The following ZNF862 variants were observed in gnomAD, a reference collection of about 807,000 sequenced individuals.
ZNF862 encodes the protein zinc finger protein 862.
A neutral mutation model predicts 91.1 loss-of-function variants in ZNF862; 64 were observed. That is an observed-to-expected ratio of 0.70 (90% CI 0.57 to 0.87). The LOEUF (loss-of-function observed/expected upper bound fraction) is 0.87. Ranked by LOEUF, ZNF862 falls within the 40% of genes least tolerant of loss-of-function variation. ZNF862 has a pLI of 0.00. For synonymous variants in ZNF862, 631 were observed against 618.1 expected (o/e 1.02, Z -0.31); for missense variants, 1,459 against 1,528.0 (o/e 0.95, Z 0.75).
Position 149,861,529 on chromosome 7 carries a change from T to C in ZNF862, c.2369T>C (p.Val790Ala), listed in dbSNP as rs1300926630. 1.2e-6 allele frequency: 2 copies of C among 1,606,510 alleles called. No individual in the cohort carries two copies. Among genetic ancestry groups the C allele is most frequent in the East Asian group, 4.5e-5 (2 of 44,646 alleles). Residue 790 changes from valine to alanine, a missense_variant, in exon 7 of 8, where the codon GTG (valine) becomes GCG (alanine). Val to Ala is a moderately conservative substitution (Grantham distance 64, BLOSUM62 0). Coordinates refer to ENST00000223210, the MANE Select transcript of ZNF862 (RefSeq NM_001099220.3). The surrounding 1 kb of genome is among the most constrained non-coding windows in gnomAD (Gnocchi z 6.7). Reference protein sequence around the residue: ...RLKDLNAVRWVASRRRTLHAL... With the variant: ...RLKDLNAVRWAASRRRTLHAL... ...AAGGATCTGAATGCGGTCCGCTGGG[T>C]GGCCAGCAGGAGGCGCACGCTGCAC...
intron 7 of ZNF862, 29 bp downstream of exon 7, chr7:149,862,523 G>A: frequency 6.5e-7 from 1 of 1,547,992 alleles, no homozygotes. Flanking sequence ...GCTCCCCCAA[G>A]GCAGCCTCAT....
chr7:149,861,597 A>G lies in ZNF862; in HGVS notation c.2437A>G (p.Arg813Gly). 1 of 1,599,334 alleles carries G rather than the reference A, an allele frequency of 6.3e-7. No individual in the cohort carries two copies. Among genetic ancestry groups the G allele is most frequent in the Non-Finnish European group, 8.5e-7 (1 of 1,175,102 alleles). ...GCCCGCCCTGGCCAGGCACCTCCAG[A>G]GGGTGGCAGAGGCTGGGGGCCAGAT... ...SWPALARHLQ[R>G]VAEAGGQIGH... The change falls in exon 7 of 8, where the codon AGG becomes GGG. Residue 813 changes from arginine to glycine, a missense_variant. By Grantham distance (125) the Arg-to-Gly change is moderately radical. Coordinates refer to ENST00000223210, the MANE Select transcript of ZNF862 (RefSeq NM_001099220.3). The surrounding 1 kb of genome is among the most constrained non-coding windows in gnomAD (Gnocchi z 6.7).
intron 5 of ZNF862, among the ~76,000 whole-genome samples, chr7:149,857,759 G>T (rs1420696746): frequency 6.6e-6 from 1 of 152,132 alleles, no homozygotes; most frequent in Non-Finnish European, 1.5e-5. Flanking sequence ...AGTGTCCATA[G>T]ATCTTTTGAG....
At position 149,861,884 on chromosome 7, in the gene ZNF862, C is replaced by T. The variant is rs1338404612; in HGVS notation, c.2724C>T (p.Asp908=). The T allele has an allele frequency of 1.2e-6, 2 of 1,613,714 alleles. No individual in the cohort carries two copies. The highest frequency in any genetic ancestry group is 1.7e-6 in the Non-Finnish European group (2 of 1,179,878). ...KDGRLHGICL[D]KLEVAEQRFQ... is the part of the protein sequence containing the mutation. Reference sequence around the variant, plus strand: ...GGCGGCTCCACGGCATCTGCTTGGACAAACTGGAGGTAGCGGAACAGCGGT... The same window carrying T: ...GGCGGCTCCACGGCATCTGCTTGGATAAACTGGAGGTAGCGGAACAGCGGT... Residue 908 remains aspartate (D), a synonymous_variant, in exon 7 of 8, where the codon GAC becomes GAT. Coordinates refer to ENST00000223210, the MANE Select transcript of ZNF862 (RefSeq NM_001099220.3). The surrounding 1 kb of genome is among the most constrained non-coding windows in gnomAD (Gnocchi z 6.7).
intron 1 of ZNF862, chr7:149,841,590 G>A (rs1319209364): frequency 2.0e-6 from 2 of 985,270 alleles, no homozygotes; most frequent in African/African-American, 1.7e-5. Flanking sequence ...ATCACTACAG[G>A]AGCCCTTTTG....
At chr7:149,856,258 T>C (rs1192509234) in intron 5 of ZNF862, 1 of 152,262 alleles carries the variant, frequency 6.6e-6, no homozygotes, top group Admixed American at 6.5e-5. Context: ...CCTGATTTAT[T>C]GATTTTAGAT....
Position 149,849,892 on chromosome 7 carries a change from C to T in ZNF862, c.940-269C>T, listed in dbSNP as rs1002306539. 3.9e-5 allele frequency among the ~76,000 whole-genome samples: 6 copies of T among 152,356 alleles called. No homozygotes were observed. The South Asian group carries it at 8.3e-4, about 21-fold the overall frequency. The stretch of plus-strand genomic sequence containing the variant: ...TCTGAGGACAGCATGCAGTGAGAGG[C>T]TCTGCCCAGCTGCCTGTTCTTTCCA... On this transcript the variant is annotated intron_variant, in intron 4 of 7. Transcript: ENST00000223210.
At position 149,862,025 on chromosome 7, in the gene ZNF862, G is replaced by C. The variant is rs1802527645; in HGVS notation, c.2865G>C (p.Trp955Cys). Residue 955 changes from tryptophan (W) to cysteine (C), a missense_variant, in exon 7 of 8, where the codon TGG becomes TGC. Transcript: ENST00000223210. ...TGGAGGTGTTTGACACCATGGCCTG[G>C]CCAAGTGGGATTGAACTTGCCAGTT... ...KNMEVFDTMA[W>C]PSGIELASFG... is the part of the protein sequence containing the mutation. The C allele has an allele frequency of 6.2e-7, 1 of 1,613,714 alleles. No individual in the cohort carries two copies.
chr7:149,863,082 G>A lies in ZNF862; in HGVS notation c.3334+588G>A, dbSNP rs550913654. ...TCAGGCAGAAATCTCACGGGGCAGG[G>A]GAGAACAGAAACAGCCTCTCTGGAC... On this transcript the variant is annotated intron_variant, in intron 7 of 7. Transcript: ENST00000223210. 3.3e-4 allele frequency among the ~76,000 whole-genome samples: 51 copies of A among 152,318 alleles called. No homozygotes were observed. The East Asian group carries it at 9.4e-3, about 28-fold the overall frequency.
chr7:149,862,558 G>T, intron 7 of ZNF862, 64 bp downstream of exon 7: 1 of 1,480,434 alleles, frequency 6.8e-7, no homozygotes, highest in South Asian at 1.4e-5. Flanking sequence ...CAATAAGACA[G>T]GACTGCAGGT....
rs1326019052 is a variant in ZNF862 at position 149,860,624 on chromosome 7, A to G, written c.1464A>G (p.Ser488=). ...CCAAAGAGACCAAACTCTTCTGCTC[A>G]GCCTGCATAGAAAGACCTAATCTCC... ...IDPKETKLFC[S]ACIERPNLHD... is the part of the protein sequence containing the mutation. Residue 488 remains serine, a synonymous_variant, in exon 7 of 8, where the codon TCA becomes TCG. Coordinates refer to ENST00000223210, the MANE Select transcript of ZNF862 (RefSeq NM_001099220.3). 6.2e-7 allele frequency: 1 copy of G among 1,614,044 alleles called. No homozygotes were observed. Among genetic ancestry groups the G allele is most frequent in the South Asian group, 1.1e-5 (1 of 91,082 alleles).
At position 149,861,036 on chromosome 7, in the gene ZNF862, G is replaced by C. The variant is rs201013448; in HGVS notation, c.1876G>C (p.Val626Leu). ...EDVRNSPCVSVLLDSSTDASE... is the reference protein window; with the variant it reads ...EDVRNSPCVSLLLDSSTDASE... ...CGTGCGGAACTCGCCCTGTGTGAGC[G>C]TGCTGCTGGACAGCTCCACCGACGC... Residue 626 changes from valine to leucine, a missense_variant, in exon 7 of 8, where the codon GTG becomes CTG. Physicochemically the swap from Val to Leu is conservative, Grantham distance 32. Coordinates refer to ENST00000223210, the MANE Select transcript of ZNF862 (RefSeq NM_001099220.3). This position sits in a 1 kb window ranked among gnomAD's most constrained non-coding sequence, Gnocchi z 6.7. 3.1e-6 allele frequency: 5 copies of C among 1,612,842 alleles called. No homozygotes were observed. Among genetic ancestry groups the C allele is most frequent in the Admixed American group, 1.7e-5 (1 of 59,954 alleles).
At chr7:149,860,081 T>G (rs1586067754) in intron 6 of ZNF862, 2 of 402,184 alleles carry the variant, frequency 5.0e-6, no homozygotes, top group Non-Finnish European at 8.9e-6. Context: ...GCCAAGGGGG[T>G]TAATTGAACT....
In ZNF862 at chr7:149,846,204, C is replaced by A; in HGVS notation, c.190C>A (p.Pro64Thr). The change falls in exon 3 of 8, where the codon CCA becomes ACA. Residue 64 changes from proline (P) to threonine (T), a missense_variant. By Grantham distance (38) the Pro-to-Thr change is conservative (BLOSUM62 -1). Coordinates refer to ENST00000223210, the MANE Select transcript of ZNF862 (RefSeq NM_001099220.3). ...CCGCAAGTTCGGACGAGGGCCAGAG[C>A]CATGGCTTGGCAGCGTCCAGGGCCA... is the stretch of plus-strand genomic sequence containing the variant. Reference protein sequence around the residue: ...LFRKFGRGPEPWLGSVQGQRS... With the variant: ...LFRKFGRGPETWLGSVQGQRS... 6.2e-7 allele frequency: 1 copy of A among 1,613,752 alleles called. No homozygotes were observed. Among genetic ancestry groups the A allele is most frequent in the Non-Finnish European group, 8.5e-7 (1 of 1,179,828 alleles).
In ZNF862 at chr7:149,862,306, T is replaced by C. The variant is rs1021360007; in HGVS notation, c.3146T>C (p.Ile1049Thr). Residue 1049 changes from isoleucine (I) to threonine (T), a missense_variant, in exon 7 of 8, where the codon ATC (isoleucine) becomes ACC (threonine). Transcript: ENST00000223210. ...CGGGGGTTCAAGGCCATGAACCGAA[T>C]CAGGACCGATGAGAGGACCAAGCTC... ...CERGFKAMNR[I>T]RTDERTKLSN... is the part of the protein sequence containing the mutation. 2.0e-5 allele frequency: 32 copies of C among 1,613,500 alleles called. No homozygotes were observed. Among genetic ancestry groups the C allele is most frequent in the Non-Finnish European group, 2.5e-5 (29 of 1,179,730 alleles).
chr7:149,848,268 C>T lies in ZNF862; in HGVS notation c.775C>T (p.Pro259Ser). 2 of 1,612,148 alleles carry T rather than the reference C, an allele frequency of 1.2e-6. No homozygotes were observed. The highest frequency in any genetic ancestry group is 2.2e-5 in the East Asian group (1 of 44,852). ...GGFDSMAELLPSSRAELEDPG... is the reference protein window; with the variant it reads ...GGFDSMAELLSSSRAELEDPG... Reference sequence around the variant, plus strand: ...ATTTGATAGCATGGCTGAGCTCCTGCCAAGTTCAAGAGCTGAACTAGAGGA... The same window carrying T: ...ATTTGATAGCATGGCTGAGCTCCTGTCAAGTTCAAGAGCTGAACTAGAGGA... The change falls in exon 4 of 8, where the codon CCA (proline) becomes TCA (serine). Residue 259 changes from proline to serine, a missense_variant. By Grantham distance (74) the Pro-to-Ser change is moderately conservative. Coordinates refer to ENST00000223210, the MANE Select transcript of ZNF862 (RefSeq NM_001099220.3).
intron 1 of ZNF862, among the ~76,000 whole-genome samples, chr7:149,842,251 A>G (rs116893348): frequency 2.3e-3 from 343 of 152,336 alleles, no homozygotes; most frequent in Non-Finnish European, 3.2e-3. Context: ...GGTGATTAAA[A>G]TGATATGAAT....
intron 1 of ZNF862, among the ~76,000 whole-genome samples, chr7:149,839,994 A>G (rs1183153788): frequency 6.6e-6 from 1 of 152,132 alleles, no homozygotes; most frequent in Non-Finnish European, 1.5e-5. Context: ...TTAGCCTTTA[A>G]CGGGAGAAGA....
intron 2 of ZNF862, among the ~76,000 whole-genome samples, chr7:149,845,533 C>G (rs1801840584): frequency 1.3e-5 from 2 of 152,196 alleles, no homozygotes; most frequent in Admixed American, 6.5e-5. Context: ...CTGATTCTTC[C>G]AAACAAGAAG....
Sources: gnomAD v4.1 joint callset for allele counts (sites outside exome capture counted in the v4.1 genomes callset) on GRCh38, gnomAD v4.1.1 for gene constraint, Gnocchi (gnomAD v3.1) non-coding constraint, MANE v1.5 for transcripts, NCBI Gene and HGNC (gene_info 2026-07-23, HGNC 2026-07-21) for gene names.